NOL7: variants seen among roughly 807,000 people sequenced by gnomAD.
NOL7 encodes the protein nucleolar protein 7, also known as U3 small nucleolar RNA-associated protein NOL7.
In NOL7, 36 loss-of-function variants were observed where a neutral mutation model predicts 38.4. The ratio of observed to expected loss-of-function variants is 0.94; its 90% confidence interval spans 0.72 to 1.24. NOL7 has a LOEUF of 1.24. NOL7 is among the 50% of genes most tolerant of loss of function. NOL7 has a pLI of 0.00. For synonymous variants in NOL7, 142 were observed against 126.5 expected (o/e 1.12, Z -0.82); for missense variants, 350 against 315.1 (o/e 1.11, Z -0.84).
chr6:13,617,808 C>T lies in NOL7; in HGVS notation c.418+7C>T. The T allele has an allele frequency of 6.2e-7, 1 of 1,612,498 alleles. No individual in the cohort carries two copies. Among genetic ancestry groups the T allele is most frequent in the Non-Finnish European group, 8.5e-7 (1 of 1,178,520 alleles). The stretch of plus-strand genomic sequence containing the variant: ...CCAGGAAAGGTGAAAGAAGGTATGA[C>T]TATTCTAATTTAACTAACTTCTCAT... On this transcript the variant is annotated splice_region_variant and intron_variant, in intron 4 of 7. Transcript: ENST00000451315.
chr6:13,632,281 G>A (rs1394505882), intron 8 of NOL7: 1 of 1,370,174 alleles, frequency 7.3e-7, no homozygotes, highest in Non-Finnish European at 9.9e-7. Flanking sequence ...TCCCTAACAA[G>A]AATTTCTGGT....
chr6:13,622,559 G>T, downstream of NOL7: 1 of 1,453,106 alleles, frequency 6.9e-7, no homozygotes, highest in South Asian at 1.4e-5. Context: ...ATTTCAATCA[G>T]GAGAATACTG....
downstream of NOL7, among the ~76,000 whole-genome samples, chr6:13,625,117 T>C (rs1293121260): frequency 6.6e-6 from 1 of 152,186 alleles, no homozygotes; most frequent in Non-Finnish European, 1.5e-5. Flanking sequence ...TCAAAACCTT[T>C]CTTGACCTCT....
intron 2 of NOL7, among the ~76,000 whole-genome samples, chr6:13,616,031 G>A (rs1378605481): frequency 2.6e-5 from 4 of 151,770 alleles, no homozygotes; most frequent in Non-Finnish European, 5.9e-5. Context: ...GCGAGACCCT[G>A]TCTCAAAAAA....
chr6:13,622,325 A>G, downstream of NOL7: 5 of 1,466,430 alleles, frequency 3.4e-6, no homozygotes, highest in Non-Finnish European at 4.5e-6. Flanking sequence ...TGTTGACTAT[A>G]TGCCACAATA....
In NOL7 at chr6:13,627,766, A is replaced by G. The variant is rs1177006962; in HGVS notation, n.574-4627A>G. Reference sequence around the variant, plus strand: ...TAAATTTAAAAAGAAATACTGAACAATTTTTCCAAGGAATACTTGGTAAAC... The same window carrying G: ...TAAATTTAAAAAGAAATACTGAACAGTTTTTCCAAGGAATACTTGGTAAAC... On this transcript the variant is annotated intron_variant and non_coding_transcript_variant, in intron 8 of 8. Transcript: ENST00000474485. 2.6e-5 allele frequency among the ~76,000 whole-genome samples: 4 copies of G among 152,144 alleles called. No individual in the cohort carries two copies. The East Asian group carries it at 7.7e-4, about 29-fold the overall frequency.
At chr6:13,622,975 T>C (rs138890676), downstream of NOL7, among the ~76,000 whole-genome samples, 1 of 152,224 alleles carries the variant, frequency 6.6e-6, no homozygotes. Flanking sequence ...ATAGGTAATG[T>C]TATTTGGGCT....
intron 7 of NOL7, 78 bp from the exon 8 acceptor site, chr6:13,620,676 A>T: frequency 9.7e-7 from 1 of 1,026,498 alleles, no homozygotes; most frequent in Non-Finnish European, 1.4e-6. Flanking sequence ...TTTAGTAATT[A>T]CATTCATATA....
downstream of NOL7, chr6:13,621,919 G>GC (rs1281121316): frequency 2.6e-5 from 4 of 153,110 alleles, no homozygotes; most frequent in East Asian, 3.9e-4. Flanking sequence ...TATGCATTTT[G>GC]CAAGTTACAC....
chr6:13,616,725 A>G (rs976051628), intron 3 of NOL7, among the ~76,000 whole-genome samples: 4 of 152,230 alleles, frequency 2.6e-5, no homozygotes, highest in Non-Finnish European at 5.9e-5. Flanking sequence ...TCCCATAGCT[A>G]GCTTTTGAAT....
intron 5 of NOL7, among the ~76,000 whole-genome samples, chr6:13,619,154 C>T (rs1256380730): frequency 6.6e-6 from 1 of 152,212 alleles, no homozygotes; most frequent in Non-Finnish European, 1.5e-5. Context: ...CCTTATGGTG[C>T]ATGGTGCTGA....
chr6:13,622,132 G>T, downstream of NOL7: 1 of 322,250 alleles, frequency 3.1e-6, no homozygotes, highest in Non-Finnish European at 5.4e-6. Flanking sequence ...CTGAAATTCA[G>T]TAATATTTAA....
Position 13,615,721 on chromosome 6 carries a change from G to A in NOL7, c.276G>A (p.Thr92=), listed in dbSNP as rs1170592373. The change falls in exon 2 of 8, where the codon ACG becomes ACA. Residue 92 remains threonine (T), a synonymous_variant. Transcript: ENST00000451315. ...RVRETVRRDK[T]LLKEKRKRRE... is the part of the protein sequence containing the mutation. Reference sequence around the variant, plus strand: ...TCACCCTTCCTCCCAGGGATAAAACGCTCCTGAAGGAGAAGAGGAAGCGAC... The same window carrying A: ...TCACCCTTCCTCCCAGGGATAAAACACTCCTGAAGGAGAAGAGGAAGCGAC... 17 of 1,614,134 alleles carry A rather than the reference G, an allele frequency of 1.1e-5. No homozygotes were observed. Among genetic ancestry groups the A allele is most frequent in the Non-Finnish European group, 1.3e-5 (15 of 1,180,058 alleles).
chr6:13,620,888 A>G lies in NOL7; in HGVS notation c.*61A>G. The G allele has an allele frequency of 2.0e-6, 2 of 1,004,750 alleles. No homozygotes were observed. Among genetic ancestry groups the G allele is most frequent in the Non-Finnish European group, 1.5e-6 (1 of 679,992 alleles). 62.2% of individuals were successfully genotyped at this position (1,004,750 alleles called of 1,614,324 possible). A position where few individuals can be genotyped will look rare whatever the true frequency, so the allele number is the denominator to read the frequency against. ...ATAGAATTTATCTAATAAATCATTC[A>G]TAGATCATTTTAAAGGATCATTATA... On this transcript the variant is annotated 3_prime_UTR_variant, in exon 8 of 8. Coordinates refer to ENST00000451315, the MANE Select transcript of NOL7 (RefSeq NM_016167.5).
chr6:13,632,231 T>G (rs1357626537), intron 8 of NOL7: 8 of 479,026 alleles, frequency 1.7e-5, no homozygotes, highest in Non-Finnish European at 2.6e-5. Context: ...ATTTCCACTC[T>G]CAGATGGGCA....
At chr6:13,627,630 C>CAAAAAAAAAAAAAA (rs35401168) in intron 8 of NOL7, among the ~76,000 whole-genome samples, 118 of 66,376 alleles carry the variant, frequency 1.8e-3, no homozygotes, top group South Asian at 7.1e-3. Flanking sequence ...ACTCCATCTC[C>CAAAAAAAAAAAAAA]AAAAAAAAAA....
Position 13,615,650 on chromosome 6 carries a change from A to T in NOL7, c.266+26A>T, listed in dbSNP as rs368885694. On this transcript the variant is annotated intron_variant, in intron 1 of 7. Coordinates refer to ENST00000451315, the MANE Select transcript of NOL7 (RefSeq NM_016167.5). ...GTTCGGAGCCCGCTGCCCGGCGGGG[A>T]GAACCGCCCTTTCTCGTCCCGCTTG... 40 of 1,611,866 alleles carry T rather than the reference A, an allele frequency of 2.5e-5. No individual in the cohort carries two copies. In the African/African-American group the frequency reaches 4.0e-4, roughly 16 times the overall value.
chr6:13,620,130 G>A (rs1584901339), intron 5 of NOL7, 78 bp from the exon 6 acceptor site: 7 of 1,463,110 alleles, frequency 4.8e-6, no homozygotes, highest in Admixed American at 4.5e-5. Flanking sequence ...GTGACAGAGC[G>A]AGACTCTGTC....
Position 13,632,118 on chromosome 6 carries a change from C to CTTTTTTTTTTTTTTTTTTTTTTTTT in NOL7, n.574-250_574-226dup, listed in dbSNP as rs752500098. On this transcript the variant is annotated intron_variant and non_coding_transcript_variant, in intron 8 of 8. Transcript: ENST00000474485. ...TAAGCACTAGCACTGGGATTTAATC[C>CTTTTTTTTTTTTTTTTTTTTTTTTT]TTTTTTTTTTTTTTTTTTTTTTTTT... Among the ~76,000 whole-genome samples, 2 of 74,922 alleles carry CTTTTTTTTTTTTTTTTTTTTTTTTT rather than the reference C, an allele frequency of 2.7e-5. 1 individual carries two copies. The highest frequency in any genetic ancestry group is 5.2e-5 in the Non-Finnish European group (2 of 38,566). The allele number at this position is 74,922 out of a possible 152,430, so 49.2% of individuals were successfully genotyped here. A position where few individuals can be genotyped will look rare whatever the true frequency, so the allele number is the denominator to read the frequency against.
Sources: gnomAD v4.1 joint callset for allele counts (sites outside exome capture counted in the v4.1 genomes callset) on GRCh38, gnomAD v4.1.1 for gene constraint, MANE v1.5 for transcripts, NCBI Gene and HGNC (gene_info 2026-07-23, HGNC 2026-07-21) for gene names.